The following ZNF420 variants were observed in gnomAD, a reference collection of about 807,000 sequenced individuals.
ZNF420 encodes the protein ATM and p53-associated KZNF protein.
Under a neutral mutation model 44.7 loss-of-function variants are expected in ZNF420, and 31 were observed. That is an observed-to-expected ratio of 0.69 (90% confidence interval 0.52 to 0.94). ZNF420 has a LOEUF of 0.94. Among genes scored for constraint, ZNF420 ranks in the 40% least tolerant of loss-of-function variants. The pLI is 0.00. For missense variants in ZNF420, 681 were observed against 827.9 expected (o/e 0.82, Z 2.18); for synonymous variants, 245 against 267.4 (o/e 0.92, Z 0.82).
At position 37,129,296 on chromosome 19, in the gene ZNF420, AT is replaced by A; in HGVS notation, c.*240del. The A allele has an allele frequency of 2.0e-6, 1 of 488,514 alleles. No individual in the cohort carries two copies. The highest frequency in any genetic ancestry group is 3.6e-6 in the Non-Finnish European group (1 of 280,116). The allele number at this position is 488,514 out of a possible 1,614,324, so 30.3% of individuals were successfully genotyped here. A position where few individuals can be genotyped will look rare whatever the true frequency, so the allele number is the denominator to read the frequency against. On this transcript the variant is annotated 3_prime_UTR_variant, in exon 5 of 5. Transcript: ENST00000337995. ...TAAATGTAGGAAGCCCTTTAGCCAT[AT>A]TGAAAACAAATATCTTTTTCAACGT...
intron 1 of ZNF420, among the ~76,000 whole-genome samples, chr19:37,043,007 C>T (rs1374625388): frequency 6.6e-6 from 1 of 152,148 alleles, no homozygotes; most frequent in Non-Finnish European, 1.5e-5. Flanking sequence ...AGTCAGAACA[C>T]ATACAATTTT....
At chr19:37,125,009 TG>T (rs1971270562) in intron 4 of ZNF420, among the ~76,000 whole-genome samples, 1 of 152,172 alleles carries the variant, frequency 6.6e-6, no homozygotes, top group Non-Finnish European at 1.5e-5. Context: ...GCTAATTTTT[TG>T]TATTTTTAGT....
Position 37,127,852 on chromosome 19 carries a change from C to G in ZNF420, c.861C>G (p.Val287=). The change falls in exon 5 of 5, where the codon GTC becomes GTG. Residue 287 remains valine, a synonymous_variant. Transcript: ENST00000337995. ...ATGAATGTAAAGAATGTAGGAAGGT[C>G]TTTACTCAGCTCTCACAACTTATTC... is the stretch of plus-strand genomic sequence containing the variant. The part of the protein sequence containing the change: ...KLYECKECRK[V]FTQLSQLILH... 6.2e-7 allele frequency: 1 copy of G among 1,613,736 alleles called. No homozygotes were observed. The highest frequency in any genetic ancestry group is 1.1e-5 in the South Asian group (1 of 91,046).
chr19:37,034,337 G>A (rs928055979), intron 1 of ZNF420, among the ~76,000 whole-genome samples: 41 of 152,156 alleles, frequency 2.7e-4, no homozygotes, highest in African/African-American at 9.7e-4. Context: ...GTCTATGTAA[G>A]TCCTTTGCCT....
intron 1 of ZNF420, among the ~76,000 whole-genome samples, chr19:37,033,137 T>G (rs1233064706): frequency 6.6e-6 from 1 of 152,210 alleles, no homozygotes. Context: ...TTGGTTACTT[T>G]TAATTAATCT....
In ZNF420 at chr19:37,129,851, A is replaced by C; in HGVS notation, c.*793A>C. 1 of 750,656 alleles carries C rather than the reference A, an allele frequency of 1.3e-6. No individual in the cohort carries two copies. Among genetic ancestry groups the C allele is most frequent in the Non-Finnish European group, 2.0e-6 (1 of 510,962 alleles). The allele number at this position is 750,656 out of a possible 1,614,324, so 46.5% of individuals were successfully genotyped here. On this transcript the variant is annotated 3_prime_UTR_variant, in exon 5 of 5. Coordinates refer to ENST00000337995, the MANE Select transcript of ZNF420 (RefSeq NM_144689.5). Reference sequence around the variant, plus strand: ...GATTTTTAACGAAGTCTAAGATCCAAAGTCTAATAAATCTAGGAATTTTTT... The same window carrying C: ...GATTTTTAACGAAGTCTAAGATCCACAGTCTAATAAATCTAGGAATTTTTT...
intron 2 of ZNF420, among the ~76,000 whole-genome samples, chr19:37,081,215 T>C (rs1214908893): frequency 6.6e-6 from 1 of 152,210 alleles, no homozygotes; most frequent in African/African-American, 2.4e-5. Context: ...AGAGATCTTT[T>C]GTTACTGATT....
Position 37,106,469 on chromosome 19 carries a change from T to A in ZNF420, c.136+15348T>A, listed in dbSNP as rs1406393268. 2.0e-5 allele frequency among the ~76,000 whole-genome samples: 3 copies of A among 152,212 alleles called. No homozygotes were observed. In the East Asian group the frequency reaches 5.8e-4, roughly 29 times the overall value. ...TGAATCTGGTTCAGTCAGAACTTGC[T>A]CCCATTATTCTGCCAAAACTATTAT... On this transcript the variant is annotated intron_variant, in intron 4 of 4. Coordinates refer to ENST00000337995, the MANE Select transcript of ZNF420 (RefSeq NM_144689.5).
At chr19:37,016,831 C>T (rs954235616) in intron 1 of ZNF420, among the ~76,000 whole-genome samples, 2 of 152,134 alleles carry the variant, frequency 1.3e-5, no homozygotes, top group Non-Finnish European at 2.9e-5. Flanking sequence ...TAGCCAGGCT[C>T]TATGGGACTT....
At chr19:37,037,999 G>A (rs923877401) in intron 1 of ZNF420, among the ~76,000 whole-genome samples, 2 of 152,110 alleles carry the variant, frequency 1.3e-5, no homozygotes, top group Admixed American at 6.6e-5. Flanking sequence ...AGTGAGAAGT[G>A]GGGAGAGTGA....
chr19:37,087,811 A>G (rs1247258397), intron 2 of ZNF420, among the ~76,000 whole-genome samples: 1 of 151,970 alleles, frequency 6.6e-6, no homozygotes, highest in Non-Finnish European at 1.5e-5. Flanking sequence ...ACACCCGGCT[A>G]ATTTTTTTTA....
intron 4 of ZNF420, among the ~76,000 whole-genome samples, chr19:37,097,997 G>A (rs1461817793): frequency 6.6e-6 from 1 of 151,896 alleles, no homozygotes; most frequent in African/African-American, 2.4e-5. Context: ...TTGAGACAGG[G>A]TCTCCCTCTG....
intron 1 of ZNF420, among the ~76,000 whole-genome samples, chr19:37,064,408 C>T (rs778397901): frequency 6.6e-6 from 1 of 152,070 alleles, no homozygotes; most frequent in African/African-American, 2.4e-5. Context: ...GGAGCCCCTC[C>T]TGTGTGGGTT....
At chr19:37,029,638 C>T (rs1967219236) in intron 1 of ZNF420, among the ~76,000 whole-genome samples, 2 of 151,628 alleles carry the variant, frequency 1.3e-5, no homozygotes, top group African/African-American at 2.4e-5. Flanking sequence ...GCCTCAGCCT[C>T]CCAGATTCAA....
intron 4 of ZNF420, among the ~76,000 whole-genome samples, chr19:37,123,015 A>C (rs73618086): frequency 0.019 from 2,939 of 152,298 alleles, 78 homozygotes; most frequent in East Asian, 0.05. Flanking sequence ...GTTCTCAGTA[A>C]GTAGCACTTC....
At chr19:37,044,777 C>T (rs1387808234) in intron 1 of ZNF420, among the ~76,000 whole-genome samples, 3 of 151,906 alleles carry the variant, frequency 2.0e-5, no homozygotes, top group African/African-American at 4.8e-5. Flanking sequence ...TGCAATGAGC[C>T]GAGATCGCAC....
intron 1 of ZNF420, among the ~76,000 whole-genome samples, chr19:37,066,169 G>A (rs1023744830): frequency 2.6e-5 from 4 of 152,204 alleles, no homozygotes; most frequent in African/African-American, 4.8e-5. Context: ...TCGGCCAGGC[G>A]CGGCGGCTCA....
At position 37,128,233 on chromosome 19, in the gene ZNF420, T is replaced by C; in HGVS notation, c.1242T>C (p.Thr414=). 1 of 1,613,932 alleles carries C rather than the reference T, an allele frequency of 6.2e-7. No individual in the cohort carries two copies. The change falls in exon 5 of 5, where the codon ACT becomes ACC. Residue 414 remains threonine, a synonymous_variant. Coordinates refer to ENST00000337995, the MANE Select transcript of ZNF420 (RefSeq NM_144689.5). ...SQLTQHQRIH[T]GEKPYQCKEC... is the part of the protein sequence containing the mutation. The stretch of plus-strand genomic sequence containing the variant: ...TTACTCAACATCAGAGAATACACAC[T>C]GGTGAGAAACCCTATCAATGTAAGG...
At position 37,127,819 on chromosome 19, in the gene ZNF420, A is replaced by G. The variant is rs148233052; in HGVS notation, c.828A>G (p.Glu276=). ...LTLHQRLHTG[E]KLYECKECRK... is the part of the protein sequence containing the mutation. ...TACACCAGAGACTTCATACTGGTGA[A>G]AAGCTCTATGAATGTAAAGAATGTA... Residue 276 remains glutamate (E), a synonymous_variant, in exon 5 of 5, where the codon GAA becomes GAG. Transcript: ENST00000337995. The G allele has an allele frequency of 9.9e-6, 16 of 1,613,848 alleles. No homozygotes were observed. Among genetic ancestry groups the G allele is most frequent in the Middle Eastern group, 1.6e-4 (1 of 6,062 alleles).
Sources: allele counts gnomAD v4.1 joint callset (sites outside exome capture counted in the v4.1 genomes callset), GRCh38; gene constraint gnomAD v4.1.1; transcripts MANE v1.5; gene names NCBI Gene and HGNC (gene_info 2026-07-23, HGNC 2026-07-21).